Variants in GPAT3 observed in about 807,000 individuals in gnomAD.
GPAT3 encodes 1-AGP acyltransferase 9.
GPAT3 carries 53 observed loss-of-function variants against 58.8 expected under a neutral mutation model. The observed-to-expected ratio is 0.90, with a 90% CI of 0.72 to 1.13. The LOEUF (loss-of-function observed/expected upper bound fraction) is 1.13, where lower values mean the gene tolerates loss of function less well. Among genes scored for constraint, GPAT3 ranks in the 50% most tolerant of loss-of-function variants. The probability of loss-of-function intolerance (pLI) is 0.00; values close to 1 mark genes in which losing one functional copy is unlikely to be tolerated. For missense variants in GPAT3, 511 were observed against 527.6 expected (o/e 0.97, Z 0.31); for synonymous variants, 197 against 187.4 (o/e 1.05, Z -0.42).
chr4:83,583,996 A>G (rs1726269627), intron 3 of GPAT3, among the ~76,000 whole-genome samples: 1 of 152,112 alleles, frequency 6.6e-6, no homozygotes, highest in African/African-American at 2.4e-5. Context: ...AACAACAACA[A>G]CAAAAACACA....
chr4:83,598,277 T>C lies in GPAT3; in HGVS notation c.1125+98T>C, dbSNP rs192960352. On this transcript the variant is annotated intron_variant, in intron 10 of 11. Transcript: ENST00000264409. ...CCTTCTCCATGTCATGCTTTTCTGC[T>C]TTCTCAGCAAATGGGTCATTTTTTT... The C allele has an allele frequency of 1.9e-4, 280 of 1,498,452 alleles. 3 individuals are homozygous for C. In the African/African-American group the frequency reaches 3.6e-3, roughly 19 times the overall value. 92.8% of individuals were successfully genotyped at this position (1,498,452 alleles called of 1,614,324 possible).
intron 7 of GPAT3, among the ~76,000 whole-genome samples, chr4:83,595,825 C>T (rs1386358657): frequency 2.0e-5 from 3 of 152,150 alleles, no homozygotes; most frequent in South Asian, 4.1e-4. Context: ...GCTTTTGGCC[C>T]GAGGCCTTTA....
chr4:83,579,278 TTCCCCTCCCC>T (rs1246782805), intron 2 of GPAT3, among the ~76,000 whole-genome samples: 1 of 75,364 alleles, frequency 1.3e-5, no homozygotes, highest in East Asian at 4.2e-4. Flanking sequence ...CTCCCCTCTG[TTCCCCTCCCC>T]TCCCCTCCCC....
At chr4:83,535,881 A>AT (rs1724057233), upstream of GPAT3, 10 of 985,506 alleles carry the variant, frequency 1.0e-5, no homozygotes, top group Non-Finnish European at 1.2e-5. Flanking sequence ...TCAGCAGTTC[A>AT]TTCTGCGGGT....
intron 4 of GPAT3, among the ~76,000 whole-genome samples, chr4:83,587,903 A>G (rs531692939): frequency 6.6e-6 from 1 of 152,314 alleles, no homozygotes; most frequent in East Asian, 1.9e-4. Context: ...TATATTGGCA[A>G]GCTCATAAGA....
At chr4:83,546,068 T>A (rs1466434703) in intron 2 of GPAT3, among the ~76,000 whole-genome samples, 2 of 152,196 alleles carry the variant, frequency 1.3e-5, no homozygotes, top group Non-Finnish European at 2.9e-5. Flanking sequence ...CACTGTAACC[T>A]CTGCCTCCCA....
chr4:83,591,181 G>A (rs999852236), intron 6 of GPAT3, among the ~76,000 whole-genome samples: 1 of 152,104 alleles, frequency 6.6e-6, no homozygotes, highest in Non-Finnish European at 1.5e-5. Flanking sequence ...TTCTGGGAAG[G>A]CATTTGAAGG....
intron 2 of GPAT3, among the ~76,000 whole-genome samples, chr4:83,546,748 C>A (rs1203758314): frequency 6.6e-6 from 1 of 152,128 alleles, no homozygotes. Context: ...ATTGGACAGA[C>A]CACTGTGATA....
chr4:83,542,214 G>A (rs1040010396), intron 1 of GPAT3, among the ~76,000 whole-genome samples: 2 of 152,168 alleles, frequency 1.3e-5, no homozygotes, highest in African/African-American at 2.4e-5. Context: ...AAGTGAGTCT[G>A]AGATTAACAA....
intron 3 of GPAT3, among the ~76,000 whole-genome samples, chr4:83,584,467 T>C (rs563044958): frequency 1.3e-5 from 2 of 152,344 alleles, no homozygotes; most frequent in South Asian, 4.1e-4. Flanking sequence ...GTGGTGATGG[T>C]TGCACAACTC....
rs1281654331 is a variant in GPAT3 at position 83,575,015 on chromosome 4, T to G, written c.209-6547T>G. Among the ~76,000 whole-genome samples the G allele has an allele frequency of 2.6e-5, 4 of 151,804 alleles. No individual in the cohort carries two copies. The South Asian group carries it at 8.3e-4, about 32-fold the overall frequency. ...CCTCAGCCTCCCAAGTAGCTGGGAC[T>G]ACAGGCGCCCGCCACCTCGCCAGTC... On this transcript the variant is annotated intron_variant, in intron 2 of 11. Coordinates refer to ENST00000264409, the MANE Select transcript of GPAT3 (RefSeq NM_032717.5).
chr4:83,554,283 A>G (rs774089057), intron 2 of GPAT3, among the ~76,000 whole-genome samples: 10 of 152,000 alleles, frequency 6.6e-5, no homozygotes, highest in African/African-American at 2.4e-5. Context: ...TGGCTGCCTT[A>G]TTTATTTAGG....
intron 8 of GPAT3, 25 bp downstream of exon 8, chr4:83,596,938 C>T: frequency 6.3e-7 from 1 of 1,590,744 alleles, no homozygotes; most frequent in Non-Finnish European, 8.6e-7. Flanking sequence ...GCCTCCCGAG[C>T]TATAGTTGAT....
Position 83,597,494 on chromosome 4 carries a change from C to T in GPAT3, c.975C>T (p.Thr325=). The T allele has an allele frequency of 4.5e-6, 7 of 1,569,458 alleles. No homozygotes were observed. In the South Asian group the frequency reaches 8.6e-5, roughly 19 times the overall value. Residue 325 remains threonine (T), a synonymous_variant, in exon 9 of 12, where the codon ACC becomes ACT. Transcript: ENST00000264409. ...FKKGSFEIGG[T]IHPVAIKYNP... is the part of the protein sequence containing the mutation. ...AGGGGAGCTTTGAAATTGGAGGAAC[C>T]ATACATCCAGTTGCAATTAAGGTAA...
At chr4:83,543,534 C>T (rs1181037377) in intron 1 of GPAT3, among the ~76,000 whole-genome samples, 1 of 152,120 alleles carries the variant, frequency 6.6e-6, no homozygotes, top group African/African-American at 2.4e-5. Context: ...TTCTTAAATT[C>T]CCTCAAATCT....
Position 83,581,788 on chromosome 4 carries a change from G to C in GPAT3, c.435G>C (p.Trp145Cys). 1 of 1,614,132 alleles carries C rather than the reference G, an allele frequency of 6.2e-7. No individual in the cohort carries two copies. The highest frequency in any genetic ancestry group is 8.5e-7 in the Non-Finnish European group (1 of 1,180,012). ...QYISLRLTMV[W>C]VLGVIVRYCV... ...TCAGTCTGCGGCTCACTATGGTGTG[G>C]GTGCTGGGCGTCATAGTGCGCTATT... Residue 145 changes from tryptophan to cysteine, a missense_variant, in exon 3 of 12, where the codon TGG (tryptophan) becomes TGC (cysteine). Transcript: ENST00000264409.
intron 2 of GPAT3, among the ~76,000 whole-genome samples, chr4:83,552,343 G>A (rs1039395024): frequency 1.6e-4 from 25 of 152,312 alleles, no homozygotes; most frequent in African/African-American, 6.0e-4. Context: ...TCCCCTGGGG[G>A]CACTTCTCTC....
chr4:83,550,921 A>G (rs1724725941), intron 2 of GPAT3, among the ~76,000 whole-genome samples: 1 of 152,214 alleles, frequency 6.6e-6, no homozygotes, highest in Admixed American at 6.5e-5. Flanking sequence ...ATCTTAACAT[A>G]GCTCTGTAGA....
chr4:83,566,707 T>C (rs1725403166), intron 2 of GPAT3, among the ~76,000 whole-genome samples: 1 of 151,738 alleles, frequency 6.6e-6, no homozygotes, highest in South Asian at 2.1e-4. Context: ...TTTGACATTA[T>C]CTATGTTGGG....
Sources: gnomAD v4.1 joint callset for allele counts (sites outside exome capture counted in the v4.1 genomes callset) on GRCh38, gnomAD v4.1.1 for gene constraint, MANE v1.5 for transcripts, NCBI Gene and HGNC (gene_info 2026-07-23, HGNC 2026-07-21) for gene names.